The following NRP1 variants were observed in gnomAD, a reference collection of about 807,000 sequenced individuals.
NRP1 encodes neuropilin-1.
Under a neutral mutation model 106.7 loss-of-function variants are expected in NRP1, and 35 were observed. The observed-to-expected ratio is 0.33, with a 90% CI of 0.25 to 0.43. NRP1 has a LOEUF of 0.43. Ranked by LOEUF, NRP1 falls within the 20% of genes least tolerant of loss-of-function variation. The pLI is 1.00. For synonymous variants in NRP1, 437 were observed against 417.9 expected, an observed-to-expected ratio of 1.05 and a Z score of -0.56; for missense variants, 1,024 against 1,170.4, an observed-to-expected ratio of 0.87 and a Z score of 1.83.
chr10:33,285,317 G>A (rs1285818510), intron 2 of NRP1, among the ~76,000 whole-genome samples: 2 of 152,152 alleles, frequency 1.3e-5, no homozygotes, highest in Non-Finnish European at 2.9e-5. Context: ...ATAGACCAAG[G>A]TTGCATTTTA....
intron 2 of NRP1, among the ~76,000 whole-genome samples, chr10:33,283,486 TATA>T (rs145014001): frequency 0.044 from 6,738 of 152,312 alleles, 513 homozygotes; most frequent in African/African-American, 0.15. Context: ...GAATAATTTA[TATA>T]ATGAGAAATA....
intron 7 of NRP1, among the ~76,000 whole-genome samples, chr10:33,223,550 C>T (rs978923310): frequency 2.0e-5 from 3 of 151,928 alleles, no homozygotes; most frequent in Admixed American, 2.0e-4. Context: ...ATGGCTTGAG[C>T]CCAGGAATTT....
In NRP1 at chr10:33,202,993, G is replaced by C; in HGVS notation, c.1762C>G (p.Pro588Ala). 1.2e-6 allele frequency: 2 copies of C among 1,610,850 alleles called. No individual in the cohort carries two copies. Among genetic ancestry groups the C allele is most frequent in the South Asian group, 2.2e-5 (2 of 90,556 alleles). Residue 588 changes from proline (P) to alanine (A), a missense_variant and splice_region_variant, in exon 11 of 17, where the codon CCT (proline) becomes GCT (alanine). Around this residue, in one of 5 missense-constraint regions of NRP1, gnomAD observed 562 missense variants for 620.3 expected, o/e 0.91. Coordinates refer to ENST00000374867, the MANE Select transcript of NRP1 (RefSeq NM_003873.7). Reference sequence around the variant, plus strand: ...TTGGGAGTGGTCGGTCCAGCTGTAGGGGCTGAAACAAGATCCAAGGATTAT... The same window carrying C: ...TTGGGAGTGGTCGGTCCAGCTGTAGCGGCTGAAACAAGATCCAAGGATTAT... ...MELLGCEVEA[P>A]TAGPTTPNGN...
chr10:33,182,768 T>C lies in NRP1; in HGVS notation c.2432-20A>G, dbSNP rs902366029. On this transcript the variant is annotated intron_variant, in intron 15 of 16. Coordinates refer to ENST00000374867, the MANE Select transcript of NRP1 (RefSeq NM_003873.7). ...CTGGTTCTGACAAGTCAAACAAAAT[T>C]GAAAGAGATATTTGAACTGCCATCA... The C allele has an allele frequency of 4.4e-6, 7 of 1,601,514 alleles. No individual in the cohort carries two copies. In the African/African-American group the frequency reaches 9.4e-5, roughly 22 times the overall value.
intron 2 of NRP1, among the ~76,000 whole-genome samples, chr10:33,286,431 C>T (rs1442743307): frequency 1.3e-5 from 2 of 152,154 alleles, no homozygotes; most frequent in Non-Finnish European, 2.9e-5. Flanking sequence ...ATCTGCCCTT[C>T]CTGCTAATCT....
chr10:33,245,364 T>A lies in NRP1; in HGVS notation c.981+8664A>T, dbSNP rs1297030870. Among the ~76,000 whole-genome samples, 4 of 152,220 alleles carry A rather than the reference T, an allele frequency of 2.6e-5. No individual in the cohort carries two copies. In the East Asian group the frequency reaches 7.7e-4, roughly 29 times the overall value. On this transcript the variant is annotated intron_variant, in intron 6 of 16. Transcript: ENST00000374867. ...TCTAGTGAGCAGAGGCCTGGGACAC[T>A]GTTCAACATCCTATCTTGCACAGGT...
intron 15 of NRP1, among the ~76,000 whole-genome samples, chr10:33,183,818 T>C (rs569999090): frequency 5.7e-4 from 87 of 152,358 alleles, no homozygotes; most frequent in Admixed American, 4.1e-3. Context: ...ATTGTACAAT[T>C]GTCTTACACA....
At chr10:33,267,097 C>T (rs558781117) in intron 3 of NRP1, among the ~76,000 whole-genome samples, 64 of 152,240 alleles carry the variant, frequency 4.2e-4, no homozygotes, top group African/African-American at 1.3e-3. Context: ...GCTCCTGCTC[C>T]GGCCATTGTG....
chr10:33,275,967 G>A (rs1210283294), intron 2 of NRP1, among the ~76,000 whole-genome samples: 1 of 151,938 alleles, frequency 6.6e-6, no homozygotes, highest in Non-Finnish European at 1.5e-5. Flanking sequence ...TAAATAACAG[G>A]AAAAATGCTT....
intron 2 of NRP1, among the ~76,000 whole-genome samples, chr10:33,281,105 A>G (rs1441140779): frequency 6.6e-6 from 1 of 150,570 alleles, no homozygotes; most frequent in Non-Finnish European, 1.5e-5. Flanking sequence ...GCTGGAGTGC[A>G]GTGGCACAAT....
intron 10 of NRP1, among the ~76,000 whole-genome samples, chr10:33,204,571 T>C (rs1189311045): frequency 6.6e-6 from 1 of 152,178 alleles, no homozygotes. Context: ...CTGATTTTTC[T>C]GCATTCATCA....
At chr10:33,218,942 C>T (rs1331677244) in intron 8 of NRP1, among the ~76,000 whole-genome samples, 1 of 152,196 alleles carries the variant, frequency 6.6e-6, no homozygotes, top group Non-Finnish European at 1.5e-5. Context: ...AACAGGTCCC[C>T]TGCTCTCCTG....
At chr10:33,198,430 C>G (rs940180388) in intron 11 of NRP1, among the ~76,000 whole-genome samples, 1 of 152,114 alleles carries the variant, frequency 6.6e-6, no homozygotes, top group African/African-American at 2.4e-5. Context: ...GTATGAGCCA[C>G]TGTGCCCAGC....
Position 33,179,823 on chromosome 10 carries a change from C to T in NRP1, c.*253G>A. The T allele has an allele frequency of 2.0e-6, 1 of 498,468 alleles. No individual in the cohort carries two copies. The highest frequency in any genetic ancestry group is 3.0e-5 in the South Asian group (1 of 33,390). 30.9% of individuals were successfully genotyped at this position (498,468 alleles called of 1,614,324 possible). On this transcript the variant is annotated 3_prime_UTR_variant, in exon 17 of 17. Coordinates refer to ENST00000374867, the MANE Select transcript of NRP1 (RefSeq NM_003873.7). ...GAAATGAATGATTATGTCAATCATA[C>T]TTGGTCTCAACACCAGCATCTGATT...
At chr10:33,225,259 C>T (rs1341896779) in intron 7 of NRP1, among the ~76,000 whole-genome samples, 3 of 152,180 alleles carry the variant, frequency 2.0e-5, no homozygotes, top group Non-Finnish European at 4.4e-5. Context: ...ACCCAGGGGG[C>T]TTTTCTCAGT....
intron 2 of NRP1, among the ~76,000 whole-genome samples, chr10:33,311,638 T>C (rs1846613434): frequency 6.6e-6 from 1 of 152,186 alleles, no homozygotes; most frequent in Non-Finnish European, 1.5e-5. Context: ...AAGCAACAAA[T>C]GAAGTTTTCA....
intron 6 of NRP1, among the ~76,000 whole-genome samples, chr10:33,239,392 G>A (rs965816018): frequency 3.3e-5 from 5 of 152,040 alleles, no homozygotes; most frequent in East Asian, 1.9e-4. Flanking sequence ...ATTTAAATTC[G>A]ATGTTATGTA....
intron 2 of NRP1, among the ~76,000 whole-genome samples, chr10:33,273,687 C>T (rs368907063): frequency 2.6e-5 from 4 of 152,202 alleles, no homozygotes; most frequent in Non-Finnish European, 5.9e-5. Context: ...CTCTCATTCA[C>T]TCCCTGTGTT....
At chr10:33,260,682 G>T (rs1842511816) in intron 4 of NRP1, among the ~76,000 whole-genome samples, 1 of 152,166 alleles carries the variant, frequency 6.6e-6, no homozygotes, top group African/African-American at 2.4e-5. Context: ...AATCCATACA[G>T]CTTCAAACAC....
Sources: gnomAD v4.1 joint callset for allele counts (sites outside exome capture counted in the v4.1 genomes callset) on GRCh38, gnomAD v4.1.1 for gene constraint, gnomAD v4.1.1 regional missense constraint, MANE v1.5 for transcripts, NCBI Gene and HGNC (gene_info 2026-07-23, HGNC 2026-07-21) for gene names.